Variants in MRS2 observed in about 807,000 individuals in gnomAD.
MRS2 encodes the protein magnesium transporter MRS2, also known as magnesium transporter MRS2 homolog, mitochondrial.
Under a neutral mutation model 52.6 loss-of-function variants are expected in MRS2, and 40 were observed. The ratio of observed to expected loss-of-function variants is 0.76; its 90% CI spans 0.59 to 0.99. The LOEUF (loss-of-function observed/expected upper bound fraction) is 0.99, where lower values mean the gene tolerates loss of function less well. MRS2 is among the 50% of genes least tolerant of loss of function. The pLI is 0.00. For missense variants in MRS2, 472 were observed against 532.7 expected (o/e 0.89, Z 1.12); for synonymous variants, 193 against 195.9 (o/e 0.98, Z 0.13).
In MRS2 at chr6:24,423,021, C is replaced by T. The variant is rs201381679; in HGVS notation, c.1192C>T (p.Arg398Ter). 23 of 1,613,934 alleles carry T rather than the reference C, an allele frequency of 1.4e-5. No homozygotes were observed. The highest frequency in any genetic ancestry group is 4.5e-5 in the East Asian group (2 of 44,872). ...IWRRLLSFLGRQLEAPLPPMM... is the reference protein window; with the variant it reads ...IWRRLLSFLG ...GAGGCGCCTGCTTTCATTCCTTGGA[C>T]GACAGCTAGAAGCTCCATTGCCTCC... The change falls in exon 10 of 11, where the codon CGA becomes TGA. Residue 398 changes from arginine (R) to a stop codon, truncating the protein, a stop_gained. Coordinates refer to ENST00000378386, the MANE Select transcript of MRS2 (RefSeq NM_020662.4). LOFTEE classifies it low-confidence loss of function (END_TRUNC).
chr6:24,409,891 C>A (rs1428177451), intron 4 of MRS2, among the ~76,000 whole-genome samples: 1 of 152,160 alleles, frequency 6.6e-6, no homozygotes, highest in Non-Finnish European at 1.5e-5. Flanking sequence ...AGATATATAT[C>A]CAATTGTGTA....
chr6:24,411,682 G>T (rs1216571358), intron 4 of MRS2, among the ~76,000 whole-genome samples: 1 of 152,158 alleles, frequency 6.6e-6, no homozygotes, highest in Non-Finnish European at 1.5e-5. Context: ...GGGACTACAG[G>T]TGTGGGCCAC....
chr6:24,406,528 C>G (rs540921833), intron 2 of MRS2, among the ~76,000 whole-genome samples: 1 of 152,194 alleles, frequency 6.6e-6, no homozygotes, highest in East Asian at 1.9e-4. Flanking sequence ...AATCCCAACA[C>G]TTTGGGAGGC....
At chr6:24,409,384 G>C in intron 3 of MRS2, 77 bp from the exon 4 acceptor site, 1 of 781,220 alleles carries the variant, frequency 1.3e-6, no homozygotes, top group South Asian at 2.2e-5. Flanking sequence ...TGATGGTGGT[G>C]GGAGGACTGC....
chr6:24,415,204 A>T, intron 6 of MRS2, 41 bp downstream of exon 6: 1 of 1,485,826 alleles, frequency 6.7e-7, no homozygotes, highest in Non-Finnish European at 9.1e-7. Flanking sequence ...TTGGAGACAA[A>T]TATCTTAAAA....
At chr6:24,403,366 T>C in intron 1 of MRS2, 130 bp downstream of exon 1, 8 of 914,562 alleles carry the variant, frequency 8.7e-6, no homozygotes, top group Non-Finnish European at 1.3e-5. Context: ...CCGCGTGTCC[T>C]GTGAGCTTGC....
Position 24,423,242 on chromosome 6 carries a change from CAA to C in MRS2, c.1221+193_1221+194del, listed in dbSNP as rs1249362614. On this transcript the variant is annotated intron_variant, in intron 10 of 10. Transcript: ENST00000378386. Reference sequence around the variant, plus strand: ...TCATAGGGTTATGGGAAGAATTAAACAATATGTGTAAAGCACTTACTAGCACA... The same window carrying C: ...TCATAGGGTTATGGGAAGAATTAAACTATGTGTAAAGCACTTACTAGCACA... 1.3e-5 allele frequency: 7 copies of C among 554,820 alleles called. 1 individual carries two copies. The Admixed American group carries it at 2.0e-4, about 16-fold the overall frequency. 34.4% of individuals were successfully genotyped at this position (554,820 alleles called of 1,614,324 possible). A position where few individuals can be genotyped will look rare whatever the true frequency, so the allele number is the denominator to read the frequency against.
At chr6:24,403,329 T>G in intron 1 of MRS2, 93 bp downstream of exon 1, 4 of 1,257,114 alleles carry the variant, frequency 3.2e-6, no homozygotes, top group Non-Finnish European at 4.2e-6. Flanking sequence ...CGCCTGTTGC[T>G]CCGCGCCCTC....
chr6:24,420,988 A>G (rs1241019551), intron 9 of MRS2, among the ~76,000 whole-genome samples: 3 of 152,176 alleles, frequency 2.0e-5, no homozygotes, highest in Admixed American at 6.5e-5. Flanking sequence ...TGGAAAGTTC[A>G]GAAGCAAGCA....
Position 24,418,258 on chromosome 6 carries a change from C to CT in MRS2, c.989+23dup, listed in dbSNP as rs760983914. The stretch of plus-strand genomic sequence containing the variant: ...ACAGGTAAGAAAGCATTATATAAAA[C>CT]TAAGTTTTTTTAATAAAATAATTAT... On this transcript the variant is annotated intron_variant, in intron 8 of 10. Coordinates refer to ENST00000378386, the MANE Select transcript of MRS2 (RefSeq NM_020662.4). The CT allele has an allele frequency of 2.0e-6, 3 of 1,535,588 alleles. No individual in the cohort carries two copies. The African/African-American group carries it at 4.2e-5, about 22-fold the overall frequency.
rs368258676 is a variant in MRS2, at chr6:24,408,138, T to C, written c.265-270T>C. On this transcript the variant is annotated intron_variant, in intron 2 of 10. Transcript: ENST00000378386. ...GATTGTTACCTAGTAACAACACAAC[T>C]GATACTCCTTTATCAACTTTCTAGA... Among the ~76,000 whole-genome samples the C allele has an allele frequency of 1.6e-4, 24 of 152,270 alleles. No homozygotes were observed. The East Asian group carries it at 4.6e-3, about 29-fold the overall frequency.
chr6:24,418,237 G>GT lies in MRS2; in HGVS notation c.989+2dup. On this transcript the variant is annotated splice_donor_variant, in intron 8 of 10. Transcript: ENST00000378386. LOFTEE classifies it high-confidence loss of function. ...GTATTATTTTCATTAATCTGGACAGGTAAGAAAGCATTATATAAAACTAAG... is the reference window on the plus strand; with the variant it reads ...GTATTATTTTCATTAATCTGGACAGGTTAAGAAAGCATTATATAAAACTAAG... The GT allele has an allele frequency of 6.3e-7, 1 of 1,578,684 alleles. No individual in the cohort carries two copies.
chr6:24,424,909 GGAA>G lies in MRS2; in HGVS notation c.*1219_*1221del, dbSNP rs976784217. ...AAAATGTTACTCCCGTCGCTGATTT[GGAA>G]GAAAACCGATGAAGTACAAGTAAGG... On this transcript the variant is annotated 3_prime_UTR_variant, in exon 11 of 11. Transcript: ENST00000378386. The G allele has an allele frequency of 1.3e-5, 2 of 152,150 alleles. No individual in the cohort carries two copies. The highest frequency in any genetic ancestry group is 1.5e-5 in the Non-Finnish European group (1 of 68,042). The allele number at this position is 152,150 out of a possible 1,614,324, so 9.4% of individuals were successfully genotyped here.
At chr6:24,410,243 T>A (rs1439081566) in intron 4 of MRS2, among the ~76,000 whole-genome samples, 2 of 152,164 alleles carry the variant, frequency 1.3e-5, no homozygotes, top group Non-Finnish European at 2.9e-5. Flanking sequence ...CCTCCCAAAG[T>A]GCTGGGATTA....
At chr6:24,422,124 T>G (rs933294266) in intron 9 of MRS2, among the ~76,000 whole-genome samples, 3 of 152,080 alleles carry the variant, frequency 2.0e-5, no homozygotes, top group African/African-American at 7.2e-5. Flanking sequence ...GACTCCATCC[T>G]GGGTGAAGAG....
intron 9 of MRS2, among the ~76,000 whole-genome samples, chr6:24,419,783 G>C (rs80345812): frequency 0.019 from 2,870 of 152,298 alleles, 40 homozygotes; most frequent in African/African-American, 0.033. Flanking sequence ...AGATACCAAA[G>C]TCTGTGGGTA....
In MRS2 at chr6:24,403,181, G is replaced by T; in HGVS notation, c.135G>T (p.Leu45=). Residue 45 remains leucine, a synonymous_variant, in exon 1 of 11, where the codon CTG becomes CTT. Transcript: ENST00000378386. ...CTGCCTGCGGCCGCCGAGCCAACCT[G>T]ATTGGAAGGAGCCGAGCGGCGCAGC... ...PVAACGRRAN[L]IGRSRAAQLC... 6.2e-7 allele frequency: 1 copy of T among 1,606,858 alleles called. No homozygotes were observed.
intron 9 of MRS2, among the ~76,000 whole-genome samples, chr6:24,422,622 C>T (rs763827911): frequency 6.6e-6 from 1 of 152,152 alleles, no homozygotes; most frequent in Non-Finnish European, 1.5e-5. Context: ...TAAGCAAAGA[C>T]CTTAAATTGC....
intron 2 of MRS2, 126 bp from the exon 3 acceptor site, chr6:24,408,282 T>G: frequency 1.5e-6 from 1 of 649,678 alleles, no homozygotes; most frequent in South Asian, 2.0e-5. Flanking sequence ...TAATGGTTTA[T>G]ATTTGCATTT....
Sources: gnomAD v4.1 joint callset for allele counts (sites outside exome capture counted in the v4.1 genomes callset) on GRCh38, gnomAD v4.1.1 for gene constraint, MANE v1.5 for transcripts, NCBI Gene and HGNC (gene_info 2026-07-23, HGNC 2026-07-21) for gene names.